The following H3C4 variants were observed in gnomAD, a reference collection of about 807,000 sequenced individuals.
H3C4 encodes histone H3.1.
H3C4 carries 10 observed loss-of-function variants against 8.7 expected under a neutral mutation model. The observed-to-expected ratio is 1.15, with a 90% CI of 0.71 to 1.96. The LOEUF is 1.96. H3C4 is among the 30% of genes most tolerant of loss of function. H3C4 has a pLI of 0.00. For missense variants in H3C4, 216 were observed against 192.9 expected, an observed-to-expected ratio of 1.12 and a Z score of -0.71; for synonymous variants, 141 against 80.1, an observed-to-expected ratio of 1.76 and a Z score of -4.06.
At position 26,196,807 on chromosome 6, in the gene H3C4, T is replaced by G; in HGVS notation, c.*33A>C. The G allele has an allele frequency of 6.2e-7, 1 of 1,611,310 alleles. No homozygotes were observed. The highest frequency in any genetic ancestry group is 8.5e-7 in the Non-Finnish European group (1 of 1,178,904). On this transcript the variant is annotated 3_prime_UTR_variant, in exon 1 of 1. Coordinates refer to ENST00000356476, the MANE Select transcript of H3C4 (RefSeq NM_001376937.1). The stretch of plus-strand genomic sequence containing the variant: ...GGTGGTTGGCTCTGAAAAGAGCCTT[T>G]GGGTTTTGGTTAGCACACATTCACA...
rs188573880 is a variant in H3C4 at position 26,197,052 on chromosome 6, G to A, written c.199C>T (p.Pro67Ser). The part of the protein sequence containing the change: ...KSTELLIRKL[P>S]FQRLVREIAQ... ...ATCTCACGGACTAGACGCTGGAATG[G>A]CAGTTTGCGAATCAGCAGCTCGGTC... The change falls in exon 1 of 1, where the codon CCA becomes TCA. Residue 67 changes from proline (P) to serine (S), a missense_variant. By Grantham distance (74) the Pro-to-Ser change is moderately conservative. Coordinates refer to ENST00000356476, the MANE Select transcript of H3C4 (RefSeq NM_001376937.1). 3 of 1,614,240 alleles carry A rather than the reference G, an allele frequency of 1.9e-6. No individual in the cohort carries two copies. Among genetic ancestry groups the A allele is most frequent in the Non-Finnish European group, 2.5e-6 (3 of 1,180,046 alleles).
chr6:26,199,049 C>T (rs1256654398), upstream of H3C4: 8 of 1,614,094 alleles, frequency 5.0e-6, no homozygotes, highest in East Asian at 6.7e-5. Flanking sequence ...TGCCCGCCAG[C>T]TCCAGGATCT....
chr6:26,197,396 A>G, upstream of H3C4: 2 of 725,420 alleles, frequency 2.8e-6, no homozygotes, highest in Non-Finnish European at 4.6e-6. Context: ...CCCTGACAGA[A>G]CATCTCCTGC....
At position 26,197,244 on chromosome 6, in the gene H3C4, G is replaced by A. The variant is rs1214166794; in HGVS notation, c.7C>T (p.Arg3Cys). 1.2e-6 allele frequency: 2 copies of A among 1,610,190 alleles called. No individual in the cohort carries two copies. Among genetic ancestry groups the A allele is most frequent in the African/African-American group, 1.3e-5 (1 of 74,624 alleles). MA[R>C]TKQTARKSTG... ...GACTTGCGAGCAGTCTGCTTGGTAC[G>A]AGCCATTGCGAACTTCTAAACCCTG... The change falls in exon 1 of 1, where the codon CGT (arginine) becomes TGT (cysteine). Residue 3 changes from arginine to cysteine, a missense_variant. Transcript: ENST00000356476.
upstream of H3C4, chr6:26,199,204 T>G: frequency 6.2e-7 from 1 of 1,612,348 alleles, no homozygotes; most frequent in Non-Finnish European, 8.5e-7. Context: ...GTCTTAGCCT[T>G]AGCTCGGGCC....
chr6:26,198,491 CCGA>C (rs1280723596), upstream of H3C4, among the ~76,000 whole-genome samples: 1 of 152,112 alleles, frequency 6.6e-6, no homozygotes, highest in Non-Finnish European at 1.5e-5. Context: ...GCCACCACGC[CCGA>C]CAAATTTTTT....
chr6:26,199,082 C>T, upstream of H3C4: 2 of 1,614,162 alleles, frequency 1.2e-6, no homozygotes, highest in Non-Finnish European at 8.5e-7. Context: ...ACTCCAACAC[C>T]GCCGCCAGAT....
At chr6:26,199,225 G>A (rs747439334), upstream of H3C4, 13 of 1,603,768 alleles carry the variant, frequency 8.1e-6, no homozygotes, top group South Asian at 1.0e-4. Context: ...TTTCCGCCTT[G>A]CTTGCCGCGT....
In H3C4 at chr6:26,196,823, C is replaced by T; in HGVS notation, c.*17G>A. 3 of 1,614,090 alleles carry T rather than the reference C, an allele frequency of 1.9e-6. No individual in the cohort carries two copies. The highest frequency in any genetic ancestry group is 2.5e-6 in the Non-Finnish European group (3 of 1,179,950). On this transcript the variant is annotated 3_prime_UTR_variant, in exon 1 of 1. Coordinates refer to ENST00000356476, the MANE Select transcript of H3C4 (RefSeq NM_001376937.1). Reference sequence around the variant, plus strand: ...AAGAGCCTTTGGGTTTTGGTTAGCACACATTCACAAGACAATTTACGCCCT... The same window carrying T: ...AAGAGCCTTTGGGTTTTGGTTAGCATACATTCACAAGACAATTTACGCCCT...
At chr6:26,197,362 G>C (rs536229608), upstream of H3C4, 7 of 1,129,996 alleles carry the variant, frequency 6.2e-6, no homozygotes, top group East Asian at 1.7e-4. Context: ...TTCCCCTGCA[G>C]CTCGATTGGT....
chr6:26,199,241 C>A, upstream of H3C4: 3 of 1,593,242 alleles, frequency 1.9e-6, no homozygotes, highest in Non-Finnish European at 2.6e-6. Context: ...CGCGTCCGGA[C>A]ATTTTGAATT....
chr6:26,197,302 C>T, upstream of H3C4: 1 of 1,575,774 alleles, frequency 6.3e-7, no homozygotes, highest in South Asian at 1.2e-5. Flanking sequence ...TCTAGCCTTT[C>T]GTACCCGTAT....
chr6:26,197,944 A>G (rs532828795), upstream of H3C4, among the ~76,000 whole-genome samples: 126 of 150,300 alleles, frequency 8.4e-4, no homozygotes, highest in African/African-American at 2.1e-3. Context: ...GTGCCCTTTT[A>G]GTCATGCTGA....
chr6:26,198,930 T>C, upstream of H3C4: 1 of 1,614,260 alleles, frequency 6.2e-7, no homozygotes, highest in Non-Finnish European at 8.5e-7. Flanking sequence ...AACACCGCCC[T>C]GAGCAATTGT....
chr6:26,199,137 C>A (rs368444246), upstream of H3C4: 7 of 1,614,072 alleles, frequency 4.3e-6, no homozygotes. Flanking sequence ...GTTGCCCTTG[C>A]GGAGCAAGCG....
upstream of H3C4, chr6:26,198,901 C>G: frequency 1.2e-6 from 2 of 1,614,260 alleles, no homozygotes; most frequent in Non-Finnish European, 1.7e-6. Context: ...GGGAGCAGTA[C>G]AGCCTGGATG....
At chr6:26,199,100 C>A, upstream of H3C4, 1 of 1,614,162 alleles carries the variant, frequency 6.2e-7, no homozygotes, top group African/African-American at 1.3e-5. Flanking sequence ...GATACACTGG[C>A]GCGCCGGCCC....
Position 26,196,802 on chromosome 6 carries a change from G to A in H3C4, c.*38C>T, listed in dbSNP as rs375318977. Reference sequence around the variant, plus strand: ...GAAAAGGTGGTTGGCTCTGAAAAGAGCCTTTGGGTTTTGGTTAGCACACAT... The same window carrying A: ...GAAAAGGTGGTTGGCTCTGAAAAGAACCTTTGGGTTTTGGTTAGCACACAT... On this transcript the variant is annotated 3_prime_UTR_variant, in exon 1 of 1. Coordinates refer to ENST00000356476, the MANE Select transcript of H3C4 (RefSeq NM_001376937.1). The A allele has an allele frequency of 6.8e-6, 11 of 1,610,426 alleles. No homozygotes were observed. The highest frequency in any genetic ancestry group is 8.5e-6 in the Non-Finnish European group (10 of 1,178,120).
In H3C4 at chr6:26,197,266, C is replaced by G; in HGVS notation, c.-16G>C. 1 of 1,596,408 alleles carries G rather than the reference C, an allele frequency of 6.3e-7. No individual in the cohort carries two copies. The highest frequency in any genetic ancestry group is 8.5e-7 in the Non-Finnish European group (1 of 1,175,308). ...TACGAGCCATTGCGAACTTCTAAAC[C>G]CTGCTAAATGACGAAAAAACGAAAG... On this transcript the variant is annotated 5_prime_UTR_variant, in exon 1 of 1. Transcript: ENST00000356476.
Sources: gnomAD v4.1 joint callset for allele counts (sites outside exome capture counted in the v4.1 genomes callset) on GRCh38, gnomAD v4.1.1 for gene constraint, MANE v1.5 for transcripts, NCBI Gene and HGNC (gene_info 2026-07-23, HGNC 2026-07-21) for gene names.